FOXP2: variants seen among roughly 807,000 people sequenced by gnomAD.
FOXP2 encodes forkhead box protein P2.
Under a neutral mutation model 115.8 loss-of-function variants are expected in FOXP2, and 12 were observed. The observed-to-expected ratio is 0.10, with a 90% CI of 0.07 to 0.17. The LOEUF (loss-of-function observed/expected upper bound fraction) is 0.17, where lower values mean the gene tolerates loss of function less well. Ranked by LOEUF, FOXP2 falls within the 10% of genes least tolerant of loss-of-function variation. FOXP2 has a pLI of 1.00. For synonymous variants in FOXP2, 328 were observed against 297.7 expected (o/e 1.10, Z -1.05); for missense variants, 629 against 843.5 (o/e 0.75, Z 3.15).
At chr7:114,420,245 G>T (rs776697262) in intron 1 of FOXP2, among the ~76,000 whole-genome samples, 6 of 151,868 alleles carry the variant, frequency 4.0e-5, no homozygotes, top group Non-Finnish European at 5.9e-5. Flanking sequence ...ATTGCAAGTA[G>T]TCCAGCCTTT....
At chr7:114,339,266 T>G (rs1791134755) in intron 2 of FOXP2, among the ~76,000 whole-genome samples, 1 of 151,168 alleles carries the variant, frequency 6.6e-6, no homozygotes, top group Non-Finnish European at 1.5e-5. Flanking sequence ...TAAAACTGAG[T>G]GCAACATGGT....
At chr7:114,678,547 CTTTTTTTTTTTTTT>C (rs35525759) in intron 16 of FOXP2, among the ~76,000 whole-genome samples, 2 of 48,388 alleles carry the variant, frequency 4.1e-5, no homozygotes, top group African/African-American at 7.0e-5. Context: ...ATAAGTGACT[CTTTTTTTTTTTTTT>C]TTTTTTTTTT....
At chr7:114,165,924 G>A (rs1237051720) in intron 1 of FOXP2, among the ~76,000 whole-genome samples, 2 of 152,150 alleles carry the variant, frequency 1.3e-5, no homozygotes, top group African/African-American at 4.8e-5. Context: ...ATAGATCATT[G>A]AAACAGAGTA....
chr7:114,112,472 TG>T (rs1791296525), intron 1 of FOXP2, among the ~76,000 whole-genome samples: 1 of 152,030 alleles, frequency 6.6e-6, no homozygotes, highest in Non-Finnish European at 1.5e-5. Context: ...CTAATTTTTG[TG>T]TTTTTTGTAG....
At chr7:114,495,055 G>A (rs949580188) in intron 2 of FOXP2, among the ~76,000 whole-genome samples, 2 of 152,134 alleles carry the variant, frequency 1.3e-5, no homozygotes, top group Non-Finnish European at 2.9e-5. Flanking sequence ...TCAGTTATAT[G>A]TACTACAGAG....
intron 1 of FOXP2, among the ~76,000 whole-genome samples, chr7:114,134,484 CG>C (rs1298059552): frequency 6.6e-6 from 1 of 151,956 alleles, no homozygotes; most frequent in Non-Finnish European, 1.5e-5. Context: ...GAGGCCGAGG[CG>C]GGCGGATCAC....
chr7:114,594,903 G>T lies in FOXP2; in HGVS notation c.259-33637G>T, dbSNP rs547013733. The stretch of plus-strand genomic sequence containing the variant: ...CACTAGATGAAGGTATGTTCTCAGG[G>T]TTGTAAACTGCTTGTGGAAAAAGAA... On this transcript the variant is annotated intron_variant, in intron 3 of 16. Coordinates refer to ENST00000350908, the MANE Select transcript of FOXP2 (RefSeq NM_014491.4). Among the ~76,000 whole-genome samples the T allele has an allele frequency of 2.6e-5, 4 of 151,996 alleles. No individual in the cohort carries two copies. The East Asian group carries it at 7.7e-4, about 29-fold the overall frequency.
chr7:114,526,984 C>T (rs1798909250), intron 2 of FOXP2, among the ~76,000 whole-genome samples: 2 of 135,798 alleles, frequency 1.5e-5, no homozygotes, highest in African/African-American at 5.6e-5. Flanking sequence ...CTTGTAACCA[C>T]TAATCTATTT....
At chr7:114,149,064 A>G (rs539928209) in intron 1 of FOXP2, among the ~76,000 whole-genome samples, 39 of 152,276 alleles carry the variant, frequency 2.6e-4, no homozygotes, top group African/African-American at 9.4e-4. Flanking sequence ...TATGGTGCAC[A>G]TGCAAATATT....
At chr7:114,684,286 C>T (rs1387182804) in intron 16 of FOXP2, among the ~76,000 whole-genome samples, 1 of 152,158 alleles carries the variant, frequency 6.6e-6, no homozygotes, top group Non-Finnish European at 1.5e-5. Flanking sequence ...TATGATATTG[C>T]AGTGGTTTTG....
At chr7:114,652,379 AT>A in intron 9 of FOXP2, 89 bp downstream of exon 9, 1 of 1,139,966 alleles carries the variant, frequency 8.8e-7, no homozygotes, top group Non-Finnish European at 1.3e-6. Flanking sequence ...TTCAGCCTGC[AT>A]TTTACTGTCT....
chr7:114,210,090 G>A (rs1448758698), intron 1 of FOXP2, among the ~76,000 whole-genome samples: 1 of 152,118 alleles, frequency 6.6e-6, no homozygotes, highest in African/African-American at 2.4e-5. Context: ...CTTTTGCTCA[G>A]TAAAGTTTGT....
upstream of FOXP2, among the ~76,000 whole-genome samples, chr7:114,412,989 T>A (rs1212923181): frequency 6.6e-6 from 1 of 152,134 alleles, no homozygotes; most frequent in Non-Finnish European, 1.5e-5. Context: ...AGGTATCAAT[T>A]TTTTTAACTT....
chr7:114,686,405 T>A (rs1808367757), intron 16 of FOXP2, among the ~76,000 whole-genome samples: 1 of 152,168 alleles, frequency 6.6e-6, no homozygotes, highest in Admixed American at 6.5e-5. Context: ...ACCCCTGACC[T>A]CAAGTGATCC....
At chr7:114,652,489 T>C (rs112530159) in intron 9 of FOXP2, among the ~76,000 whole-genome samples, 199 bp downstream of exon 9, 2 of 152,242 alleles carry the variant, frequency 1.3e-5, no homozygotes, top group African/African-American at 4.8e-5. Context: ...TTTAATGTAC[T>C]TATCACTTAT....
intron 1 of FOXP2, among the ~76,000 whole-genome samples, chr7:114,100,436 A>G (rs762742152): frequency 9.2e-5 from 14 of 152,310 alleles, no homozygotes; most frequent in Non-Finnish European, 7.4e-5. Flanking sequence ...GATGTGTCAC[A>G]TTGTTAATGA....
intron 2 of FOXP2, among the ~76,000 whole-genome samples, chr7:114,468,792 C>G (rs542427299): frequency 6.6e-6 from 1 of 152,182 alleles, no homozygotes; most frequent in Non-Finnish European, 1.5e-5. Flanking sequence ...CTACTGTGAG[C>G]TTTTTAAGAC....
intron 1 of FOXP2, among the ~76,000 whole-genome samples, chr7:114,260,955 G>T (rs555238877): frequency 6.6e-6 from 1 of 152,054 alleles, no homozygotes; most frequent in African/African-American, 2.4e-5. Flanking sequence ...AGATGGTTTC[G>T]GTTTGGTACA....
At chr7:114,244,002 T>C (rs1385120301) in intron 1 of FOXP2, among the ~76,000 whole-genome samples, 1 of 152,080 alleles carries the variant, frequency 6.6e-6, no homozygotes, top group Non-Finnish European at 1.5e-5. Context: ...CTTTTTCATA[T>C]AATGAGTTTT....
Sources: gnomAD v4.1 joint callset for allele counts (sites outside exome capture counted in the v4.1 genomes callset) on GRCh38, gnomAD v4.1.1 for gene constraint, MANE v1.5 for transcripts, NCBI Gene and HGNC (gene_info 2026-07-23, HGNC 2026-07-21) for gene names.